PRKG1: variants seen among roughly 807,000 people sequenced by gnomAD.
The protein encoded by PRKG1 is protein kinase cGMP-dependent 1, also known as cGMP-dependent protein kinase 1.
In PRKG1, 35 loss-of-function variants were observed where a neutral mutation model predicts 88.1. The ratio of observed to expected loss-of-function variants is 0.40; its 90% confidence interval spans 0.30 to 0.53. The LOEUF (loss-of-function observed/expected upper bound fraction) is 0.53. PRKG1 is among the 20% of genes least tolerant of loss of function. The pLI is 0.59. For synonymous variants in PRKG1, 303 were observed against 292.5 expected (o/e 1.04, Z -0.37); for missense variants, 540 against 839.8 (o/e 0.64, Z 4.41).
chr10:51,265,806 G>A (rs1050739782), intron 2 of PRKG1, among the ~76,000 whole-genome samples: 93 of 152,256 alleles, frequency 6.1e-4, no homozygotes, highest in African/African-American at 2.1e-3. Context: ...TAGCCCGAAA[G>A]GATTAACAGG....
intron 3 of PRKG1, among the ~76,000 whole-genome samples, chr10:51,721,219 A>AG (rs1842004679): frequency 6.7e-6 from 1 of 150,088 alleles, no homozygotes; most frequent in African/African-American, 2.5e-5. Context: ...TATTAAAAAA[A>AG]AAAAAAAAAA....
At chr10:51,869,868 T>C (rs1841111960) in intron 4 of PRKG1, among the ~76,000 whole-genome samples, 2 of 152,200 alleles carry the variant, frequency 1.3e-5, no homozygotes, top group East Asian at 1.9e-4. Flanking sequence ...TTGTGAATTA[T>C]AATGTTAAGT....
chr10:51,203,659 T>G (rs1433999392), intron 2 of PRKG1, among the ~76,000 whole-genome samples: 6 of 152,210 alleles, frequency 3.9e-5, no homozygotes, highest in African/African-American at 7.2e-5. Flanking sequence ...AACAGAGAGT[T>G]GCACACATTT....
intron 2 of PRKG1, among the ~76,000 whole-genome samples, chr10:51,357,420 C>T (rs1369344972): frequency 6.6e-6 from 1 of 151,914 alleles, no homozygotes; most frequent in Non-Finnish European, 1.5e-5. Flanking sequence ...AAGGGTGACT[C>T]GATTAGGAGA....
At chr10:51,944,396 A>G (rs1456582782) in intron 5 of PRKG1, among the ~76,000 whole-genome samples, 2 of 151,992 alleles carry the variant, frequency 1.3e-5, no homozygotes, top group African/African-American at 4.8e-5. Flanking sequence ...TGATCCTTTC[A>G]AAAAACCAGC....
chr10:51,974,592 G>A (rs1034349085), intron 5 of PRKG1, among the ~76,000 whole-genome samples: 1 of 151,948 alleles, frequency 6.6e-6, no homozygotes, highest in Non-Finnish European at 1.5e-5. Flanking sequence ...TCTTTCATAT[G>A]TCCATATGCT....
At chr10:51,059,716 A>T (rs1843673154) in intron 1 of PRKG1, among the ~76,000 whole-genome samples, 1 of 152,058 alleles carries the variant, frequency 6.6e-6, no homozygotes, top group African/African-American at 2.4e-5. Context: ...ATTTGTTGAG[A>T]CTTGTTTTAT....
intron 3 of PRKG1, among the ~76,000 whole-genome samples, chr10:51,546,905 A>T (rs1312455518): frequency 6.6e-6 from 1 of 152,158 alleles, no homozygotes; most frequent in East Asian, 1.9e-4. Flanking sequence ...ATAGATGAAG[A>T]CAAGGTTAAG....
At chr10:51,924,877 G>A (rs945284536) in intron 5 of PRKG1, among the ~76,000 whole-genome samples, 10 of 149,218 alleles carry the variant, frequency 6.7e-5, no homozygotes, top group Non-Finnish European at 1.3e-4. Context: ...TTAATTTCTA[G>A]CATTTTCTTT....
At chr10:52,035,125 C>G (rs1845572902) in intron 5 of PRKG1, among the ~76,000 whole-genome samples, 1 of 152,124 alleles carries the variant, frequency 6.6e-6, no homozygotes, top group Admixed American at 6.5e-5. Flanking sequence ...GAAGGCTAAA[C>G]TGAGGAATTA....
chr10:51,932,866 C>T (rs139505379), intron 5 of PRKG1, among the ~76,000 whole-genome samples: 111 of 151,954 alleles, frequency 7.3e-4, no homozygotes, highest in African/African-American at 2.5e-3. Context: ...GGAGGTGAAG[C>T]GGGGGTTATC....
At chr10:52,129,516 A>G (rs1837198533) in intron 7 of PRKG1, among the ~76,000 whole-genome samples, 1 of 152,190 alleles carries the variant, frequency 6.6e-6, no homozygotes, top group Admixed American at 6.5e-5. Context: ...TTTTGTCTCT[A>G]TCTCTAGCAG....
chr10:51,229,403 T>C (rs1208521558), intron 2 of PRKG1, among the ~76,000 whole-genome samples: 1 of 152,224 alleles, frequency 6.6e-6, no homozygotes, highest in East Asian at 1.9e-4. Context: ...CCAAACTGAC[T>C]ACTTCTTCCA....
chr10:51,374,093 A>AAAAATAT lies in PRKG1; in HGVS notation c.479-93629_479-93628insAAATATA. ...GCTGGCAGAGGTTGCAAAAAAAAAA[A>AAAAATAT]ATATATATATATATATATATGTACT... On this transcript the variant is annotated intron_variant, in intron 2 of 17. Coordinates refer to ENST00000373980, the MANE Select transcript of PRKG1 (RefSeq NM_006258.4). 6.9e-4 allele frequency among the ~76,000 whole-genome samples: 69 copies of AAAAATAT among 100,164 alleles called. 4 individuals carry two copies. The highest frequency in any genetic ancestry group is 1.1e-3 in the Non-Finnish European group (51 of 45,362). The allele number at this position is 100,164 out of a possible 152,430, so 65.7% of individuals were successfully genotyped here.
chr10:51,865,999 A>G (rs1337431786), intron 4 of PRKG1, among the ~76,000 whole-genome samples: 1 of 151,992 alleles, frequency 6.6e-6, no homozygotes, highest in Non-Finnish European at 1.5e-5. Flanking sequence ...CGTATGTATC[A>G]TTATCCCAGG....
chr10:51,718,091 TCTC>T (rs1841928444), intron 3 of PRKG1, among the ~76,000 whole-genome samples: 1 of 152,114 alleles, frequency 6.6e-6, no homozygotes, highest in South Asian at 2.1e-4. Flanking sequence ...AAGCCCGTCT[TCTC>T]CTAGAGTTTA....
At chr10:51,047,305 C>T (rs1843502502) in intron 1 of PRKG1, among the ~76,000 whole-genome samples, 1 of 152,206 alleles carries the variant, frequency 6.6e-6, no homozygotes, top group South Asian at 2.1e-4. Context: ...AAGTTACTTA[C>T]ATTCTGTAAG....
chr10:51,716,946 C>CCTTG (rs1476826338), intron 3 of PRKG1, among the ~76,000 whole-genome samples: 2 of 152,336 alleles, frequency 1.3e-5, no homozygotes, highest in Admixed American at 6.5e-5. Context: ...GATCCACCTG[C>CCTTG]CTTGACCTCC....
intron 3 of PRKG1, among the ~76,000 whole-genome samples, chr10:51,614,952 T>G (rs1467046949): frequency 1.3e-5 from 2 of 150,348 alleles, no homozygotes; most frequent in East Asian, 3.9e-4. Flanking sequence ...TATATTCAAC[T>G]TTGAATATAT....
Sources: gnomAD v4.1 joint callset for allele counts (sites outside exome capture counted in the v4.1 genomes callset) on GRCh38, gnomAD v4.1.1 for gene constraint, MANE v1.5 for transcripts, NCBI Gene and HGNC (gene_info 2026-07-23, HGNC 2026-07-21) for gene names.